DNM3: variants seen among roughly 807,000 people sequenced by gnomAD.
DNM3 encodes the protein dynamin 3, also known as dynamin-3.
DNM3 carries 47 observed loss-of-function variants against 101.6 expected under a neutral mutation model. The observed-to-expected ratio is 0.46, with a 90% CI of 0.37 to 0.59. DNM3 has a LOEUF of 0.59. Among genes scored for constraint, DNM3 ranks in the 20% least tolerant of loss-of-function variants. DNM3 has a pLI of 0.00. For missense variants in DNM3, 849 were observed against 1,085.7 expected, an observed-to-expected ratio of 0.78 and a Z score of 3.06; for synonymous variants, 385 against 387.9, an observed-to-expected ratio of 0.99 and a Z score of 0.09.
At chr1:172,190,673 A>C (rs1174753574) in intron 14 of DNM3, among the ~76,000 whole-genome samples, 1 of 152,090 alleles carries the variant, frequency 6.6e-6, no homozygotes, top group East Asian at 1.9e-4. Context: ...GCTCTCCAGC[A>C]CCTGTTGTTT....
intron 17 of DNM3, among the ~76,000 whole-genome samples, chr1:172,359,336 G>C (rs1174342129): frequency 3.3e-5 from 5 of 151,914 alleles, no homozygotes. Flanking sequence ...TTGCCAGCAA[G>C]CCATAACTAT....
chr1:171,983,398 C>CAGTGAGTAATGATGCA (rs2044975981), intron 2 of DNM3, among the ~76,000 whole-genome samples: 10 of 119,512 alleles, frequency 8.4e-5, no homozygotes, highest in African/African-American at 1.2e-4. Flanking sequence ...GTTGAGGCTG[C>CAGTGAGTAATGATGCA]CTTAAACCTC....
intron 2 of DNM3, among the ~76,000 whole-genome samples, chr1:171,945,716 G>A (rs900427242): frequency 6.6e-5 from 10 of 151,958 alleles, no homozygotes; most frequent in African/African-American, 1.9e-4. Context: ...TATCTCACTC[G>A]GAAACAAGAG....
chr1:172,225,134 CTTTTTTTTT>C (rs1168334078), intron 14 of DNM3, among the ~76,000 whole-genome samples: 3 of 65,520 alleles, frequency 4.6e-5, no homozygotes, highest in African/African-American at 1.3e-4. Flanking sequence ...TCTTCTTCCT[CTTTTTTTTT>C]TTTTTTTTTT....
intron 11 of DNM3, among the ~76,000 whole-genome samples, chr1:172,072,583 T>C (rs1053915591): frequency 1.1e-4 from 16 of 152,284 alleles, no homozygotes; most frequent in African/African-American, 3.9e-4. Context: ...AATAAATCAC[T>C]CCCTGGAAAG....
intron 4 of DNM3, among the ~76,000 whole-genome samples, chr1:172,021,203 G>C (rs1019089116): frequency 6.6e-6 from 1 of 152,200 alleles, no homozygotes; most frequent in Non-Finnish European, 1.5e-5. Flanking sequence ...GGGCACAGTG[G>C]CTCATGCCTG....
chr1:172,366,109 C>T (rs1425959411), intron 17 of DNM3, among the ~76,000 whole-genome samples: 2 of 151,756 alleles, frequency 1.3e-5, no homozygotes, highest in Non-Finnish European at 2.9e-5. Context: ...TGGCATTCAC[C>T]TGTAACCCTG....
intron 14 of DNM3, among the ~76,000 whole-genome samples, chr1:172,146,984 G>A (rs990736122): frequency 6.6e-6 from 1 of 151,980 alleles, no homozygotes; most frequent in Non-Finnish European, 1.5e-5. Context: ...ATTATGACTC[G>A]TGAAACATTT....
intron 20 of DNM3, among the ~76,000 whole-genome samples, chr1:172,402,691 A>C (rs1170318683): frequency 6.6e-6 from 1 of 152,190 alleles, no homozygotes; most frequent in Non-Finnish European, 1.5e-5. Flanking sequence ...AGTAGTAGTT[A>C]TTCTTCTGAT....
intron 14 of DNM3, among the ~76,000 whole-genome samples, chr1:172,247,617 C>T (rs552986215): frequency 8.8e-4 from 133 of 151,460 alleles, no homozygotes; most frequent in African/African-American, 3.0e-3. Context: ...GCGGCTTTTT[C>T]GTATGTTAAT....
At chr1:171,881,219 C>T (rs1236103640) in intron 1 of DNM3, among the ~76,000 whole-genome samples, 1 of 152,142 alleles carries the variant, frequency 6.6e-6, no homozygotes, top group African/African-American at 2.4e-5. Flanking sequence ...AAATCAACCA[C>T]AAATTACCAT....
intron 2 of DNM3, among the ~76,000 whole-genome samples, chr1:171,959,458 G>T (rs978850842): frequency 2.0e-5 from 3 of 152,102 alleles, no homozygotes; most frequent in Non-Finnish European, 4.4e-5. Context: ...ATGAGCTAAG[G>T]TTCTTGAAGC....
At chr1:172,224,347 T>G (rs1051342379) in intron 14 of DNM3, among the ~76,000 whole-genome samples, 1 of 152,212 alleles carries the variant, frequency 6.6e-6, no homozygotes, top group African/African-American at 2.4e-5. Context: ...AAGGCTAAAT[T>G]ACTGAATTCA....
intron 4 of DNM3, among the ~76,000 whole-genome samples, chr1:172,017,212 C>A (rs1452061041): frequency 2.0e-5 from 3 of 151,956 alleles, no homozygotes; most frequent in Non-Finnish European, 4.4e-5. Context: ...ATTTTCTGCT[C>A]TAGTTCTTAT....
At chr1:172,212,653 A>G (rs1207466234) in intron 14 of DNM3, among the ~76,000 whole-genome samples, 1 of 152,208 alleles carries the variant, frequency 6.6e-6, no homozygotes, top group Non-Finnish European at 1.5e-5. Context: ...GTCACAAGGA[A>G]CTAAAAACAA....
chr1:171,979,112 C>T (rs768576507), intron 2 of DNM3, among the ~76,000 whole-genome samples: 10 of 151,974 alleles, frequency 6.6e-5, no homozygotes, highest in Non-Finnish European at 1.5e-4. Context: ...GAACAGTCAG[C>T]AAAGAACCAT....
At chr1:172,418,361 C>A in exon 21 of DNM3, 1 of 1,277,832 alleles carries the variant, frequency 7.8e-7, no homozygotes, top group Non-Finnish European at 1.0e-6. Flanking sequence ...CATGTCTATC[C>A]ATGGTATTTA....
chr1:172,070,526 A>G (rs970935649), intron 11 of DNM3, among the ~76,000 whole-genome samples: 1 of 152,250 alleles, frequency 6.6e-6, no homozygotes, highest in Non-Finnish European at 1.5e-5. Context: ...CATTTTAAAT[A>G]TTTGTAATCA....
chr1:172,125,294 G>C (rs1027947590), intron 13 of DNM3, among the ~76,000 whole-genome samples: 1 of 152,084 alleles, frequency 6.6e-6, no homozygotes, highest in Non-Finnish European at 1.5e-5. Context: ...CAAACCCCCT[G>C]CTCACAGGGT....
Sources: allele counts gnomAD v4.1 joint callset (sites outside exome capture counted in the v4.1 genomes callset), GRCh38; gene constraint gnomAD v4.1.1; transcripts MANE v1.5; gene names NCBI Gene and HGNC (gene_info 2026-07-23, HGNC 2026-07-21).